The following TENM2 variants were observed in gnomAD, a reference collection of about 807,000 sequenced individuals.
The protein encoded by TENM2 is teneurin-2.
Under a neutral mutation model 245.2 loss-of-function variants are expected in TENM2, and 52 were observed. That is an observed-to-expected ratio of 0.21 (90% CI 0.17 to 0.27). The LOEUF is 0.27. TENM2 is among the 10% of genes least tolerant of loss of function. The pLI is 1.00. For missense variants in TENM2, 3,046 were observed against 3,666.8 expected, an observed-to-expected ratio of 0.83 and a Z score of 4.37; for synonymous variants, 1,363 against 1,438.9, an observed-to-expected ratio of 0.95 and a Z score of 1.19.
At chr5:167,431,593 TA>T (rs1341718174) in intron 2 of TENM2, among the ~76,000 whole-genome samples, 1 of 152,074 alleles carries the variant, frequency 6.6e-6, no homozygotes, top group Non-Finnish European at 1.5e-5. Flanking sequence ...TAATGTTGTC[TA>T]AAAAATAGAT....
chr5:167,701,053 A>G (rs1306857767), intron 2 of TENM2, among the ~76,000 whole-genome samples: 1 of 151,628 alleles, frequency 6.6e-6, no homozygotes, highest in Non-Finnish European at 1.5e-5. Context: ...GGAATTATTC[A>G]GGTAAAAATA....
chr5:167,799,869 T>C (rs775290250), intron 2 of TENM2, among the ~76,000 whole-genome samples: 2 of 152,200 alleles, frequency 1.3e-5, no homozygotes, highest in African/African-American at 4.8e-5. Flanking sequence ...TCATGGGAGA[T>C]GTTGGCTTTG....
the TENM2 span, among the ~76,000 whole-genome samples, chr5:166,993,499 A>T: frequency 5.9e-4 from 90 of 152,304 alleles, 1 homozygote; most frequent in East Asian, 1.9e-4. Flanking sequence ...CTGTCAGCAG[A>T]GCTTGCCAGG....
chr5:167,256,973 T>G, the TENM2 span, among the ~76,000 whole-genome samples: 1 of 152,094 alleles, frequency 6.6e-6, no homozygotes, highest in African/African-American at 2.4e-5. Flanking sequence ...GATGCAATTT[T>G]CCATTAATCC....
intron 2 of TENM2, among the ~76,000 whole-genome samples, chr5:167,413,044 G>T (rs1165117251): frequency 6.6e-6 from 1 of 152,016 alleles, no homozygotes; most frequent in Non-Finnish European, 1.5e-5. Flanking sequence ...TTTAATTCAG[G>T]ACTACTAGTT....
intron 2 of TENM2, chr5:167,754,907 G>A: frequency 9.4e-7 from 1 of 1,063,070 alleles, no homozygotes; most frequent in African/African-American, 1.6e-5. Flanking sequence ...AGCAGAAAGG[G>A]AGGAGGGAGA....
chr5:167,003,690 A>T, the TENM2 span, among the ~76,000 whole-genome samples: 1 of 152,164 alleles, frequency 6.6e-6, no homozygotes, highest in Non-Finnish European at 1.5e-5. Flanking sequence ...AGATGTGTAT[A>T]ATTACAGGGA....
In TENM2 at chr5:168,062,056, T is replaced by TTTTTTTC; in HGVS notation, c.1310-4_1310-3insTTTTTTC. 1.9e-6 allele frequency: 3 copies of TTTTTTTC among 1,601,392 alleles called. No individual in the cohort carries two copies. Among genetic ancestry groups the TTTTTTTC allele is most frequent in the Admixed American group, 3.4e-5 (2 of 58,188 alleles). On this transcript the variant is annotated splice_polypyrimidine_tract_variant and splice_region_variant and intron_variant, in intron 6 of 28. Coordinates refer to ENST00000518659, the Ensembl canonical transcript of TENM2. ...CTGCTGTTTATTCCTTTTTTTTTTT[T>TTTTTTTC]CAGTGCCCTGGTCGTTGAAAAACAG...
chr5:167,739,715 T>C (rs2150586019), intron 2 of TENM2, among the ~76,000 whole-genome samples: 1 of 152,274 alleles, frequency 6.6e-6, no homozygotes, highest in African/African-American at 2.4e-5. Context: ...GCTGACTTGC[T>C]CCAAAGCTCA....
At chr5:167,685,177 A>G (rs931072177) in intron 2 of TENM2, among the ~76,000 whole-genome samples, 1 of 152,240 alleles carries the variant, frequency 6.6e-6, no homozygotes, top group South Asian at 2.1e-4. Context: ...TATAAGTGCT[A>G]TTTTTGAAAA....
At chr5:167,481,664 T>C (rs6882609) in intron 2 of TENM2, among the ~76,000 whole-genome samples, 7,470 of 152,210 alleles carry the variant, frequency 0.049, 429 homozygotes, top group East Asian at 0.18. Context: ...AAGTATGAAA[T>C]AGAAGCTCAC....
upstream of TENM2, among the ~76,000 whole-genome samples, chr5:167,282,451 T>A (rs1013576894): frequency 5.3e-5 from 8 of 152,210 alleles, no homozygotes; most frequent in Non-Finnish European, 1.0e-4. Context: ...AAAACATTTT[T>A]AAAATCATTC....
rs1471750637 is a variant in TENM2, at chr5:167,448,826, C to A, written c.502+73353C>A. ...ACTTGTGTATGAGTTTCCATGGTGG[C>A]TGAAGGATGATTAGAAAAAGATTTG... On this transcript the variant is annotated intron_variant, in intron 2 of 28. Coordinates refer to ENST00000518659, the Ensembl canonical transcript of TENM2. 2.0e-5 allele frequency among the ~76,000 whole-genome samples: 3 copies of A among 151,678 alleles called. No individual in the cohort carries two copies. In the East Asian group the frequency reaches 5.8e-4, roughly 29 times the overall value.
intron 3 of TENM2, among the ~76,000 whole-genome samples, chr5:167,927,888 G>A (rs1179228992): frequency 6.6e-6 from 1 of 152,156 alleles, no homozygotes; most frequent in Non-Finnish European, 1.5e-5. Context: ...GCCTGGTGGA[G>A]CCTGCTATAG....
exon 4 of TENM2, chr5:167,952,766 G>A (rs1357349034): frequency 3.8e-6 from 6 of 1,580,888 alleles, no homozygotes; most frequent in Non-Finnish European, 5.2e-6. Context: ...CCACACCAGA[G>A]TCCGTTCAGC....
the TENM2 span, among the ~76,000 whole-genome samples, chr5:167,204,010 A>C: frequency 6.6e-6 from 1 of 152,188 alleles, no homozygotes; most frequent in Non-Finnish European, 1.5e-5. Flanking sequence ...AGAATCTGCC[A>C]TTCTTAAATA....
chr5:167,265,505 A>G, the TENM2 span, among the ~76,000 whole-genome samples: 1 of 152,096 alleles, frequency 6.6e-6, no homozygotes, highest in African/African-American at 2.4e-5. Flanking sequence ...TGGGTTCCAC[A>G]CATGCAAAAT....
chr5:167,991,767 A>G (rs1305966384), intron 4 of TENM2, among the ~76,000 whole-genome samples: 2 of 152,354 alleles, frequency 1.3e-5, no homozygotes, highest in East Asian at 1.9e-4. Flanking sequence ...ATCTCAGAAC[A>G]GGAATCAGGA....
In TENM2 at chr5:167,845,733, C is replaced by G. The variant is rs1326562801; in HGVS notation, c.503-30253C>G. The stretch of plus-strand genomic sequence containing the variant: ...TGATCCCTAGCCTAGACTTACCATT[C>G]TTAACCTGTTTTCAAAAACACTCTT... On this transcript the variant is annotated intron_variant, in intron 2 of 28. Transcript: ENST00000518659. Among the ~76,000 whole-genome samples, 8 of 152,298 alleles carry G rather than the reference C, an allele frequency of 5.3e-5. 1 individual carries two copies. Among genetic ancestry groups the G allele is most frequent in the Admixed American group, 5.2e-4 (8 of 15,302 alleles).
Sources: allele counts gnomAD v4.1 joint callset (sites outside exome capture counted in the v4.1 genomes callset), GRCh38; gene constraint gnomAD v4.1.1; transcripts MANE v1.5; gene names NCBI Gene and HGNC (gene_info 2026-07-23, HGNC 2026-07-21).